The following PRKRIP1 variants were observed in gnomAD, a reference collection of about 807,000 sequenced individuals.
PRKRIP1 encodes the protein PRKR-interacting protein 1.
Under a neutral mutation model 29.3 loss-of-function variants are expected in PRKRIP1, and 29 were observed. That is an observed-to-expected ratio of 0.99 (90% CI 0.74 to 1.35). The LOEUF (loss-of-function observed/expected upper bound fraction) is 1.35, where lower values mean the gene tolerates loss of function less well. PRKRIP1 is among the 40% of genes most tolerant of loss of function. The pLI is 0.00. For missense variants in PRKRIP1, 247 were observed against 236.8 expected (o/e 1.04, Z -0.28); for synonymous variants, 90 against 85.1 (o/e 1.06, Z -0.32).
chr7:102,408,989 C>T (rs375246299), intron 5 of PRKRIP1, among the ~76,000 whole-genome samples: 15 of 152,134 alleles, frequency 9.9e-5, no homozygotes, highest in African/African-American at 1.7e-4. Flanking sequence ...GCCTGGCCAA[C>T]GTGGTGAAAC....
intron 5 of PRKRIP1, chr7:102,423,118 C>CTTTTTTTTTTT (rs1554573975): frequency 2.3e-6 from 1 of 438,564 alleles, no homozygotes; most frequent in African/African-American, 2.2e-5. Flanking sequence ...AGACCCTATG[C>CTTTTTTTTTTT]TCTTTTTTTT....
chr7:102,396,559 A>G, intron 1 of PRKRIP1, 22 bp downstream of exon 1: 1 of 1,599,754 alleles, frequency 6.3e-7, no homozygotes, highest in South Asian at 1.1e-5. Context: ...CCCAGGCTCC[A>G]CGGCCCGTCC....
At chr7:102,406,626 C>G (rs755714576) in intron 4 of PRKRIP1, among the ~76,000 whole-genome samples, 1 of 152,010 alleles carries the variant, frequency 6.6e-6, no homozygotes, top group Non-Finnish European at 1.5e-5. Context: ...TTGTCATTGT[C>G]CAATGACTGA....
rs145249656 is a variant in PRKRIP1 at position 102,396,672 on chromosome 7, T to C, written c.126+135T>C. ...GTATCCGACCCTCCAAGAGCAGTCTTTGGGGAGGAGGAGGAGAAGGAGGCT... is the reference window on the plus strand; with the variant it reads ...GTATCCGACCCTCCAAGAGCAGTCTCTGGGGAGGAGGAGGAGAAGGAGGCT... On this transcript the variant is annotated intron_variant, in intron 1 of 5. Transcript: ENST00000397912. The C allele has an allele frequency of 5.1e-5, 47 of 929,888 alleles. No homozygotes were observed. The East Asian group carries it at 1.5e-3, about 29-fold the overall frequency. The allele number at this position is 929,888 out of a possible 1,614,324, so 57.6% of individuals were successfully genotyped here. A position where few individuals can be genotyped will look rare whatever the true frequency, so the allele number is the denominator to read the frequency against.
chr7:102,404,076 C>T (rs555220243), intron 3 of PRKRIP1, among the ~76,000 whole-genome samples: 46 of 152,284 alleles, frequency 3.0e-4, no homozygotes, highest in Admixed American at 9.2e-4. Context: ...TGAGACAGGA[C>T]GATCTATCAA....
intron 5 of PRKRIP1, among the ~76,000 whole-genome samples, chr7:102,408,517 C>T (rs968330163): frequency 5.3e-5 from 8 of 152,144 alleles, no homozygotes; most frequent in African/African-American, 1.9e-4. Flanking sequence ...GTGCTATCCC[C>T]CATCCCTGGG....
At chr7:102,398,238 A>G (rs1008627196) in intron 2 of PRKRIP1, among the ~76,000 whole-genome samples, 2 of 152,040 alleles carry the variant, frequency 1.3e-5, no homozygotes, top group East Asian at 3.9e-4. Flanking sequence ...GTTTGGCACT[A>G]TAGAATTTTC....
chr7:102,403,742 A>C (rs4727523), intron 3 of PRKRIP1, among the ~76,000 whole-genome samples: 2,818 of 152,298 alleles, frequency 0.019, 87 homozygotes, highest in African/African-American at 0.062. Flanking sequence ...CATTTTATAG[A>C]TGAGTAGACT....
rs116954131 is a variant in PRKRIP1 at position 102,403,798 on chromosome 7, C to G, written c.307-800C>G. Among the ~76,000 whole-genome samples the G allele has an allele frequency of 1.1e-3, 164 of 152,286 alleles. 1 individual carries two copies. In the East Asian group the frequency reaches 0.028, roughly 26 times the overall value. ...CTGAGAAGAAGTAATGCAGTACTTA[C>G]AAATATCTGTGTGGGTGTGGGTGTG... On this transcript the variant is annotated intron_variant, in intron 3 of 5. Coordinates refer to ENST00000397912, the MANE Select transcript of PRKRIP1 (RefSeq NM_024653.4).
At position 102,411,013 on chromosome 7, in the gene PRKRIP1, A is replaced by T. The variant is rs145486678; in HGVS notation, c.457+3515A>T. ...CAATCACGGCTCGCGGCGGCCTTGA[A>T]CTCCTGGTGGGCTCAAGCAATCCTC... On this transcript the variant is annotated intron_variant, in intron 5 of 5. Transcript: ENST00000397912. 1.7e-4 allele frequency among the ~76,000 whole-genome samples: 26 copies of T among 151,852 alleles called. No homozygotes were observed. In the East Asian group the frequency reaches 4.1e-3, roughly 24 times the overall value.
chr7:102,405,935 C>T, intron 4 of PRKRIP1: 1 of 336,646 alleles, frequency 3.0e-6, no homozygotes, highest in South Asian at 2.7e-5. Context: ...TTTTCTGCAT[C>T]CCGCTGGTTG....
intron 5 of PRKRIP1, chr7:102,423,168 G>A (rs1554573996): frequency 2.2e-6 from 1 of 448,558 alleles, no homozygotes; most frequent in Non-Finnish European, 4.5e-6. Context: ...AGGCTGGAGT[G>A]CAGTGGCGCT....
chr7:102,418,800 T>TA (rs1796617945), intron 5 of PRKRIP1, among the ~76,000 whole-genome samples: 1 of 152,180 alleles, frequency 6.6e-6, no homozygotes. Flanking sequence ...CCTTCAGCCT[T>TA]ACAGCTTACA....
chr7:102,399,810 G>A (rs1554570976), intron 3 of PRKRIP1, among the ~76,000 whole-genome samples, 162 bp downstream of exon 3: 1 of 152,138 alleles, frequency 6.6e-6, no homozygotes, highest in African/African-American at 2.4e-5. Context: ...GGGAGTTTGA[G>A]ACCAGCCTGA....
At chr7:102,415,419 A>C (rs574196085) in intron 5 of PRKRIP1, among the ~76,000 whole-genome samples, 16 of 152,320 alleles carry the variant, frequency 1.1e-4, no homozygotes, top group African/African-American at 3.8e-4. Context: ...TATTTTTAGT[A>C]GAGATGGGGT....
chr7:102,409,373 C>T (rs541007617), intron 5 of PRKRIP1, among the ~76,000 whole-genome samples: 258 of 152,252 alleles, frequency 1.7e-3, no homozygotes, highest in Non-Finnish European at 2.9e-3. Context: ...TCCCCTCCAC[C>T]GCAACAGTAG....
intron 3 of PRKRIP1, among the ~76,000 whole-genome samples, chr7:102,400,103 C>T (rs1431602823): frequency 2.0e-5 from 3 of 151,270 alleles, no homozygotes; most frequent in African/African-American, 4.9e-5. Context: ...ACGGACAGCA[C>T]AAAATGCAGA....
At chr7:102,410,902 G>A (rs1468870193) in intron 5 of PRKRIP1, among the ~76,000 whole-genome samples, 1 of 152,054 alleles carries the variant, frequency 6.6e-6, no homozygotes, top group Non-Finnish European at 1.5e-5. Flanking sequence ...TGGATTCAAG[G>A]CTACCATTTA....
At chr7:102,421,962 G>T (rs782476659) in intron 5 of PRKRIP1, among the ~76,000 whole-genome samples, 1 of 151,938 alleles carries the variant, frequency 6.6e-6, no homozygotes, top group African/African-American at 2.4e-5. Context: ...TGAATGGCCC[G>T]TCATATTTAT....
Sources: allele counts gnomAD v4.1 joint callset (sites outside exome capture counted in the v4.1 genomes callset), GRCh38; gene constraint gnomAD v4.1.1; transcripts MANE v1.5; gene names NCBI Gene and HGNC (gene_info 2026-07-23, HGNC 2026-07-21).